The following GLB1L variants were observed in gnomAD, a reference collection of about 807,000 sequenced individuals.
GLB1L encodes the protein galactosidase beta 1 like.
In GLB1L, 58 loss-of-function variants were observed where a neutral mutation model predicts 75.7. That is an observed-to-expected ratio of 0.77 (90% CI 0.62 to 0.95). GLB1L has a LOEUF of 0.95. Ranked by LOEUF, GLB1L falls within the 40% of genes least tolerant of loss-of-function variation. The pLI, the probability that GLB1L is intolerant of heterozygous loss-of-function variation, is 0.00. For synonymous variants in GLB1L, 296 were observed against 303.0 expected, an observed-to-expected ratio of 0.98 and a Z score of 0.24; for missense variants, 797 against 805.5, an observed-to-expected ratio of 0.99 and a Z score of 0.13.
intron 1 of GLB1L, among the ~76,000 whole-genome samples, chr2:219,244,862 A>G (rs1225198470): frequency 1.3e-5 from 2 of 152,250 alleles, no homozygotes; most frequent in Admixed American, 1.3e-4. Flanking sequence ...AAGGTCACAC[A>G]ACTACGTTAA....
At position 219,242,903 on chromosome 2, in the gene GLB1L, G is replaced by C. The variant is rs1248657103; in HGVS notation, c.255C>G (p.Asn85Lys). 6.2e-7 allele frequency: 1 copy of C among 1,614,094 alleles called. No individual in the cohort carries two copies. The highest frequency in any genetic ancestry group is 8.5e-7 in the Non-Finnish European group (1 of 1,180,042). The change falls in exon 4 of 17, where the codon AAC becomes AAG. Residue 85 changes from asparagine to lysine, a missense_variant. Coordinates refer to ENST00000295759, the MANE Select transcript of GLB1L (RefSeq NM_001286423.2). ...AGACCCCAGGCTGTGGCTCGTGGTAGTTCCAGGGCACATAACTGAGAAAGG... is the reference window on the plus strand; with the variant it reads ...AGACCCCAGGCTGTGGCTCGTGGTACTTCCAGGGCACATAACTGAGAAAGG... Reference protein sequence around the residue: ...LNAIQFYVPWNYHEPQPGVYN... With the variant: ...LNAIQFYVPWKYHEPQPGVYN...
At chr2:219,241,472 A>G (rs541900172) in intron 5 of GLB1L, among the ~76,000 whole-genome samples, 8 of 143,174 alleles carry the variant, frequency 5.6e-5, no homozygotes, top group Admixed American at 1.4e-4. Flanking sequence ...ATATACATAC[A>G]TATATATGTA....
intron 2 of GLB1L, 80 bp from the exon 3 acceptor site, chr2:219,243,394 T>A (rs1951445221): frequency 6.3e-7 from 1 of 1,590,252 alleles, no homozygotes. Context: ...GCGGAAGAGA[T>A]GGAACTAGCC....
At chr2:219,240,726 A>G (rs1951365953) in intron 5 of GLB1L, among the ~76,000 whole-genome samples, 1 of 151,414 alleles carries the variant, frequency 6.6e-6, no homozygotes, top group Admixed American at 6.6e-5. Context: ...CCTGGGCAAC[A>G]AGAGCAAAAC....
chr2:219,243,818 A>G, intron 1 of GLB1L, 175 bp from the exon 2 acceptor site: 1 of 480,174 alleles, frequency 2.1e-6, no homozygotes, highest in South Asian at 2.2e-5. Flanking sequence ...TTAGAAATGG[A>G]GAATCTGGCT....
chr2:219,242,427 A>G (rs77342729), intron 5 of GLB1L, 87 bp downstream of exon 5: 24,450 of 946,384 alleles, frequency 0.026, 439 homozygotes, highest in Non-Finnish European at 0.032. Context: ...ATGACCTCCA[A>G]TTTGGGAATG....
chr2:219,240,575 C>A (rs938144889), intron 5 of GLB1L, among the ~76,000 whole-genome samples: 1 of 152,092 alleles, frequency 6.6e-6, no homozygotes, highest in African/African-American at 2.4e-5. Context: ...AACACTGTCT[C>A]TACTAAAAAT....
chr2:219,243,380 A>C, intron 2 of GLB1L, 66 bp from the exon 3 acceptor site: 9 of 1,589,346 alleles, frequency 5.7e-6, no homozygotes, highest in Non-Finnish European at 7.8e-6. Flanking sequence ...AGCGCCTGCC[A>C]AGAGCGGAAG....
chr2:219,241,442 GTA>G (rs1212111892), intron 5 of GLB1L, among the ~76,000 whole-genome samples: 1,151 of 82,894 alleles, frequency 0.014, 28 homozygotes, highest in African/African-American at 0.046. Flanking sequence ...GTGTGTGTGT[GTA>G]TATATATATA....
In GLB1L at chr2:219,237,852, A is replaced by C; in HGVS notation, c.1447T>G (p.Phe483Val). Reference protein sequence around the residue: ...ILVENMGRLSFGSNSSDFKGL... With the variant: ...ILVENMGRLSVGSNSSDFKGL... Reference sequence around the variant, plus strand: ...TTGAAGTCACTGCTGTTAGACCCAAAGCTGAGCCTCCCCATGTTCTCCACC... The same window carrying C: ...TTGAAGTCACTGCTGTTAGACCCAACGCTGAGCCTCCCCATGTTCTCCACC... Residue 483 changes from phenylalanine (F) to valine (V), a missense_variant, in exon 15 of 17, where the codon TTT becomes GTT. Physicochemically the swap from Phe to Val is conservative, Grantham distance 50. Transcript: ENST00000295759. The C allele has an allele frequency of 6.2e-7, 1 of 1,614,188 alleles. No individual in the cohort carries two copies. Among genetic ancestry groups the C allele is most frequent in the Non-Finnish European group, 8.5e-7 (1 of 1,180,036 alleles).
At chr2:219,241,634 G>C (rs755009800) in intron 5 of GLB1L, among the ~76,000 whole-genome samples, 2 of 151,712 alleles carry the variant, frequency 1.3e-5, no homozygotes, top group Non-Finnish European at 2.9e-5. Context: ...GGCTGGAGCA[G>C]AGTGAACATG....
chr2:219,244,511 C>A (rs764638527), intron 1 of GLB1L, among the ~76,000 whole-genome samples: 13 of 152,152 alleles, frequency 8.5e-5, no homozygotes, highest in Non-Finnish European at 1.8e-4. Flanking sequence ...CCTGTTTCAG[C>A]AAAACAGCCA....
chr2:219,241,440 GTGTATA>G (rs1259373903), intron 5 of GLB1L, among the ~76,000 whole-genome samples: 2 of 85,528 alleles, frequency 2.3e-5, no homozygotes, highest in Admixed American at 3.4e-4. Flanking sequence ...GTGTGTGTGT[GTGTATA>G]TATATATATA....
rs987346759 is a variant in GLB1L at position 219,236,761 on chromosome 2, T to C, written c.*311A>G. The C allele has an allele frequency of 3.0e-5, 1 of 32,906 alleles. No homozygotes were observed. Among genetic ancestry groups the C allele is most frequent in the Non-Finnish European group, 5.0e-5 (1 of 19,932 alleles). 2.0% of individuals were successfully genotyped at this position (32,906 alleles called of 1,614,324 possible). A position where few individuals can be genotyped will look rare whatever the true frequency, so the allele number is the denominator to read the frequency against. Reference sequence around the variant, plus strand: ...TCCATGTCCCAGGTCCAAGGGTTACTTTTTTTTTTTTTTTTTTTTTTGAGA... The same window carrying C: ...TCCATGTCCCAGGTCCAAGGGTTACCTTTTTTTTTTTTTTTTTTTTTGAGA... On this transcript the variant is annotated 3_prime_UTR_variant, in exon 17 of 17. Coordinates refer to ENST00000295759, the MANE Select transcript of GLB1L (RefSeq NM_001286423.2).
At chr2:219,242,978 C>T in intron 3 of GLB1L, 60 bp from the exon 4 acceptor site, 1 of 1,602,098 alleles carries the variant, frequency 6.2e-7, no homozygotes, top group Admixed American at 1.7e-5. Context: ...GGCCTAACGG[C>T]TCAGGCCTTG....
Position 219,236,714 on chromosome 2 carries a change from A to T in GLB1L, c.*358T>A. 1 of 452,802 alleles carries T rather than the reference A, an allele frequency of 2.2e-6. No homozygotes were observed. Among genetic ancestry groups the T allele is most frequent in the Non-Finnish European group, 3.9e-6 (1 of 259,014 alleles). The allele number at this position is 452,802 out of a possible 1,614,324, so 28.0% of individuals were successfully genotyped here. ...TTAGTTCCTTAGGGTCACCGTGGCCAGCACCAAGGGATCCTGCCCACTCCA... is the reference window on the plus strand; with the variant it reads ...TTAGTTCCTTAGGGTCACCGTGGCCTGCACCAAGGGATCCTGCCCACTCCA... On this transcript the variant is annotated 3_prime_UTR_variant, in exon 17 of 17. Transcript: ENST00000295759.
Position 219,242,976 on chromosome 2 carries a change from G to C in GLB1L, c.240-58C>G, listed in dbSNP as rs3755051. 4.4e-6 allele frequency: 7 copies of C among 1,601,436 alleles called. No individual in the cohort carries two copies. In the South Asian group the frequency reaches 6.6e-5, roughly 15 times the overall value. On this transcript the variant is annotated intron_variant, in intron 3 of 16. Transcript: ENST00000295759. ...TGAAGAGACGCCAGGGAGGCCTAACGGCTCAGGCCTTGCAGGGAATCTCCA... is the reference window on the plus strand; with the variant it reads ...TGAAGAGACGCCAGGGAGGCCTAACCGCTCAGGCCTTGCAGGGAATCTCCA...
At position 219,241,037 on chromosome 2, in the gene GLB1L, C is replaced by T. The variant is rs60734697; in HGVS notation, c.452-752G>A. On this transcript the variant is annotated intron_variant, in intron 5 of 16. Transcript: ENST00000295759. The stretch of plus-strand genomic sequence containing the variant: ...CGGAGGTTGCAGTGAGCCAAGGTCA[C>T]GTGACTGCACTCCAGCCTGGGCAAC... 4.7e-3 allele frequency among the ~76,000 whole-genome samples: 713 copies of T among 151,696 alleles called. 10 individuals carry two copies. Among genetic ancestry groups the T allele is most frequent in the African/African-American group, 0.016 (680 of 41,310 alleles).
intron 1 of GLB1L, among the ~76,000 whole-genome samples, chr2:219,244,835 C>T (rs1951488938): frequency 1.3e-5 from 2 of 152,150 alleles, no homozygotes; most frequent in Non-Finnish European, 2.9e-5. Context: ...AGGACAGAAA[C>T]ATTAAGTAGC....
Sources: gnomAD v4.1 joint callset for allele counts (sites outside exome capture counted in the v4.1 genomes callset) on GRCh38, gnomAD v4.1.1 for gene constraint, MANE v1.5 for transcripts, NCBI Gene and HGNC (gene_info 2026-07-23, HGNC 2026-07-21) for gene names.